Variants in RGS9 observed in about 807,000 individuals in gnomAD.
The protein encoded by RGS9 is regulator of G protein signaling 9.
A neutral mutation model predicts 102.0 loss-of-function variants in RGS9; 78 were observed. The observed-to-expected ratio is 0.76, with a 90% CI of 0.64 to 0.92. The LOEUF (loss-of-function observed/expected upper bound fraction) is 0.92. Among genes scored for constraint, RGS9 ranks in the 40% least tolerant of loss-of-function variants. The pLI, the probability that RGS9 is intolerant of heterozygous loss-of-function variation, is 0.00. For missense variants in RGS9, 833 were observed against 866.1 expected (o/e 0.96, Z 0.48); for synonymous variants, 353 against 318.6 (o/e 1.11, Z -1.15).
intron 17 of RGS9, among the ~76,000 whole-genome samples, chr17:65,214,578 G>C (rs1913419548): frequency 6.6e-6 from 1 of 152,222 alleles, no homozygotes; most frequent in Admixed American, 6.5e-5. Flanking sequence ...TAGAGATTGG[G>C]AAGTGGGCAC....
chr17:65,160,372 T>C (rs1910934372), intron 4 of RGS9, 33 bp downstream of exon 4: 1 of 1,579,078 alleles, frequency 6.3e-7, no homozygotes. Context: ...GCTGTTCATA[T>C]GGGGTTGATC....
intron 7 of RGS9, among the ~76,000 whole-genome samples, chr17:65,167,493 C>T (rs1032513347): frequency 9.2e-5 from 14 of 152,138 alleles, no homozygotes; most frequent in South Asian, 2.1e-4. Context: ...TGAGCCACTG[C>T]GCCGGGCCAT....
intron 11 of RGS9, among the ~76,000 whole-genome samples, chr17:65,191,907 T>C (rs8080929): frequency 0.27 from 41,442 of 152,028 alleles, 7,371 homozygotes; most frequent in African/African-American, 0.5. Flanking sequence ...GTCCAAATCT[T>C]ATGGCTGAGG....
chr17:65,194,076 G>A (rs1912487587), intron 12 of RGS9, among the ~76,000 whole-genome samples: 1 of 152,216 alleles, frequency 6.6e-6, no homozygotes, highest in Admixed American at 6.5e-5. Context: ...CAGGAAAAGA[G>A]GACAGGCTGG....
intron 12 of RGS9, among the ~76,000 whole-genome samples, chr17:65,195,855 G>C: frequency 6.6e-6 from 1 of 152,216 alleles, no homozygotes; most frequent in East Asian, 1.9e-4. Context: ...GGTTTACAGC[G>C]TTGATTCCCA....
At chr17:65,199,947 T>C (rs1912760159) in intron 13 of RGS9, among the ~76,000 whole-genome samples, 1 of 152,258 alleles carries the variant, frequency 6.6e-6, no homozygotes, top group Non-Finnish European at 1.5e-5. Context: ...TTATGAATAA[T>C]GCTGCTATGA....
chr17:65,158,600 AG>A, intron 3 of RGS9: 1 of 570,400 alleles, frequency 1.8e-6, no homozygotes, highest in South Asian at 1.9e-5. Flanking sequence ...AAAGTCCTGG[AG>A]GGGGTGCTGT....
chr17:65,162,296 G>A (rs1405281305), intron 6 of RGS9, among the ~76,000 whole-genome samples: 1 of 151,964 alleles, frequency 6.6e-6, no homozygotes, highest in Non-Finnish European at 1.5e-5. Context: ...GCAGGAGAAT[G>A]GCTTGAGCCC....
chr17:65,190,059 G>A, intron 10 of RGS9, 116 bp from the exon 11 acceptor site: 1 of 842,078 alleles, frequency 1.2e-6, no homozygotes, highest in Non-Finnish European at 2.1e-6. Flanking sequence ...GGCTGGCTCT[G>A]GGCATGGAAC....
chr17:65,137,520 T>G lies in RGS9; in HGVS notation c.-21T>G, dbSNP rs894154099. 7 of 1,610,382 alleles carry G rather than the reference T, an allele frequency of 4.3e-6. No homozygotes were observed. The highest frequency in any genetic ancestry group is 5.9e-6 in the Non-Finnish European group (7 of 1,179,258). On this transcript the variant is annotated 5_prime_UTR_variant, in exon 1 of 19. Coordinates refer to ENST00000262406, the MANE Select transcript of RGS9 (RefSeq NM_003835.4). ...TTGTCTCCCACTGGTGCTCTGGCTG[T>G]GAATCCATCCAGGGGCCAGGATGAC...
intron 1 of RGS9, among the ~76,000 whole-genome samples, chr17:65,138,264 C>T (rs1909988656): frequency 6.6e-6 from 1 of 152,038 alleles, no homozygotes; most frequent in Non-Finnish European, 1.5e-5. Flanking sequence ...TAGTTCTGAG[C>T]TTCTGGTATA....
chr17:65,211,459 A>G (rs1192345299), intron 17 of RGS9, among the ~76,000 whole-genome samples: 1 of 152,242 alleles, frequency 6.6e-6, no homozygotes, highest in Non-Finnish European at 1.5e-5. Context: ...TGATGTCTTC[A>G]TTCATGGGAA....
chr17:65,147,805 G>T (rs1322536985), intron 1 of RGS9, among the ~76,000 whole-genome samples: 4 of 151,742 alleles, frequency 2.6e-5, no homozygotes, highest in Non-Finnish European at 5.9e-5. Context: ...TGGCCGGGCT[G>T]GTGTCGAACT....
intron 2 of RGS9, 111 bp downstream of exon 2, chr17:65,153,629 C>A: frequency 2.4e-6 from 2 of 846,998 alleles, no homozygotes; most frequent in Non-Finnish European, 4.0e-6. Context: ...CAGTGGCTCA[C>A]GCCTGTAATC....
At chr17:65,162,125 C>T in intron 6 of RGS9, among the ~76,000 whole-genome samples, 1 of 152,136 alleles carries the variant, frequency 6.6e-6, no homozygotes, top group East Asian at 1.9e-4. Context: ...GGTGTGGTGG[C>T]TCACGCCTAT....
At chr17:65,139,024 C>T (rs1204124597) in intron 1 of RGS9, among the ~76,000 whole-genome samples, 1 of 147,590 alleles carries the variant, frequency 6.8e-6, no homozygotes, top group East Asian at 2.0e-4. Context: ...CCAAACTCTC[C>T]CTCCTCCACC....
intron 3 of RGS9, among the ~76,000 whole-genome samples, chr17:65,159,867 C>G (rs913552198): frequency 5.9e-5 from 9 of 152,190 alleles, no homozygotes; most frequent in Non-Finnish European, 1.2e-4. Context: ...GAGACATTTT[C>G]TTCCCAGTCC....
rs962260991 is a variant in RGS9 at position 65,216,626 on chromosome 17, C to A, written c.1407+6021C>A. On this transcript the variant is annotated intron_variant, in intron 17 of 18. Transcript: ENST00000262406. ...CACTTCAGCCTGGGCAACGATTTTA[C>A]AGTGTCATGAAGTCAAGCATTCAAG... is the stretch of plus-strand genomic sequence containing the variant. 5.9e-5 allele frequency among the ~76,000 whole-genome samples: 9 copies of A among 152,288 alleles called. No individual in the cohort carries two copies. The South Asian group carries it at 6.2e-4, about 11-fold the overall frequency.
chr17:65,178,546 C>T (rs1281668207), intron 9 of RGS9, among the ~76,000 whole-genome samples: 2 of 151,716 alleles, frequency 1.3e-5, no homozygotes, highest in Non-Finnish European at 2.9e-5. Flanking sequence ...CTCTGTTGCC[C>T]GGGCTGCAGT....
Sources: allele counts gnomAD v4.1 joint callset (sites outside exome capture counted in the v4.1 genomes callset), GRCh38; gene constraint gnomAD v4.1.1; transcripts MANE v1.5; gene names NCBI Gene and HGNC (gene_info 2026-07-23, HGNC 2026-07-21).